The following HDAC9 variants were observed in gnomAD, a reference collection of about 807,000 sequenced individuals.
The protein encoded by HDAC9 is histone deacetylase 9, also known as MEF-2 interacting transcription repressor (MITR) protein.
In HDAC9, 41 loss-of-function variants were observed where a neutral mutation model predicts 139.4. That is an observed-to-expected ratio of 0.29 (90% CI 0.23 to 0.38). HDAC9 has a LOEUF of 0.38. Among genes scored for constraint, HDAC9 ranks in the 10% least tolerant of loss-of-function variants. The probability of loss-of-function intolerance (pLI) is 1.00; values close to 1 mark genes in which losing one functional copy is unlikely to be tolerated. For synonymous variants in HDAC9, 517 were observed against 476.2 expected, an observed-to-expected ratio of 1.09 and a Z score of -1.12; for missense variants, 1,147 against 1,297.0, an observed-to-expected ratio of 0.88 and a Z score of 1.78.
intron 1 of HDAC9, among the ~76,000 whole-genome samples, chr7:18,121,960 A>G (rs1330973737): frequency 1.3e-5 from 2 of 152,210 alleles, no homozygotes; most frequent in Admixed American, 1.3e-4. Flanking sequence ...TTGAATCGGA[A>G]TTATTATTTT....
intron 14 of HDAC9, among the ~76,000 whole-genome samples, chr7:18,757,680 G>T (rs1789001950): frequency 6.6e-6 from 1 of 152,104 alleles, no homozygotes; most frequent in Non-Finnish European, 1.5e-5. Flanking sequence ...GAATAGAACT[G>T]TTTCCTTTTT....
intron 1 of HDAC9, among the ~76,000 whole-genome samples, chr7:18,426,651 C>T (rs1238289066): frequency 6.6e-6 from 1 of 152,210 alleles, no homozygotes. Context: ...CTCATACACA[C>T]CATCTTGAAA....
At chr7:18,960,568 TAAA>T in intron 24 of HDAC9, among the ~76,000 whole-genome samples, 1 of 152,034 alleles carries the variant, frequency 6.6e-6, no homozygotes, top group South Asian at 2.1e-4. Flanking sequence ...AACTCATAGG[TAAA>T]ATAAAATACT....
In HDAC9 at chr7:18,447,791, A is replaced by G. The variant is rs574456032; in HGVS notation, c.-41-48471A>G. The stretch of plus-strand genomic sequence containing the variant: ...GCTTAAAAACTCCTTTGGCTCCTAT[A>G]GTGTATGTATTCCTATTAGAATATA... On this transcript the variant is annotated intron_variant, in intron 1 of 3. Coordinates refer to the HDAC9 transcript ENST00000413509. Among the ~76,000 whole-genome samples, 15 of 152,310 alleles carry G rather than the reference A, an allele frequency of 9.8e-5. No homozygotes were observed. In the South Asian group the frequency reaches 2.9e-3, roughly 29 times the overall value.
chr7:18,514,150 C>T (rs79352872), intron 2 of HDAC9, among the ~76,000 whole-genome samples: 2,715 of 152,102 alleles, frequency 0.018, 81 homozygotes, highest in African/African-American at 0.062. Context: ...TGTGTATATG[C>T]GTTGTATGTG....
chr7:18,226,645 G>A (rs147768039), intron 2 of HDAC9, among the ~76,000 whole-genome samples: 1 of 152,198 alleles, frequency 6.6e-6, no homozygotes, highest in East Asian at 1.9e-4. Flanking sequence ...TAGCCTAGGG[G>A]TTCATTGGAA....
At chr7:18,094,163 A>G (rs1454792365) in intron 1 of HDAC9, among the ~76,000 whole-genome samples, 1 of 152,110 alleles carries the variant, frequency 6.6e-6, no homozygotes, top group East Asian at 1.9e-4. Flanking sequence ...GAGTTTTATT[A>G]TTGCTCCATC....
chr7:18,101,083 G>A (rs553151657), intron 1 of HDAC9, among the ~76,000 whole-genome samples: 1 of 152,234 alleles, frequency 6.6e-6, no homozygotes, highest in Non-Finnish European at 1.5e-5. Flanking sequence ...ACTTTGGGTT[G>A]TTTTCTCACA....
chr7:18,361,439 C>T (rs1783769013), intron 1 of HDAC9, among the ~76,000 whole-genome samples: 1 of 152,142 alleles, frequency 6.6e-6, no homozygotes, highest in Admixed American at 6.6e-5. Flanking sequence ...GGGTAGTATT[C>T]ACTGCCTTCC....
intron 22 of HDAC9, among the ~76,000 whole-genome samples, chr7:18,909,259 TGATGA>T (rs377687205): frequency 2.6e-4 from 39 of 151,888 alleles, no homozygotes; most frequent in African/African-American, 9.4e-4. Flanking sequence ...TTTATTTTGC[TGATGA>T]GTTGTTTGGG....
chr7:18,991,269 T>A (rs920380137), intron 25 of HDAC9, among the ~76,000 whole-genome samples: 2 of 152,078 alleles, frequency 1.3e-5, no homozygotes, highest in African/African-American at 4.8e-5. Flanking sequence ...TGAAAGAACA[T>A]AAAACAAAAT....
At chr7:18,984,104 G>C (rs1785135442) in intron 25 of HDAC9, among the ~76,000 whole-genome samples, 1 of 152,040 alleles carries the variant, frequency 6.6e-6, no homozygotes. Flanking sequence ...GTGAAAATTA[G>C]ATACATTTGT....
At chr7:18,765,033 C>T (rs989458262) in intron 15 of HDAC9, among the ~76,000 whole-genome samples, 1 of 152,106 alleles carries the variant, frequency 6.6e-6, no homozygotes, top group Non-Finnish European at 1.5e-5. Context: ...CAAGGCTTTC[C>T]TTAGCATTAA....
chr7:18,574,149 T>C (rs1563333561), intron 2 of HDAC9, among the ~76,000 whole-genome samples: 1 of 152,300 alleles, frequency 6.6e-6, no homozygotes. Context: ...CTGACGAGTG[T>C]CCAGCTCTCA....
At chr7:18,097,524 TC>T (rs1653614174) in intron 1 of HDAC9, among the ~76,000 whole-genome samples, 1 of 151,726 alleles carries the variant, frequency 6.6e-6, no homozygotes, top group South Asian at 2.1e-4. Context: ...TCTGTTTTAG[TC>T]CTTTTTTCCC....
intron 13 of HDAC9, 74 bp from the exon 14 acceptor site, chr7:18,748,928 TATC>T: frequency 7.5e-7 from 1 of 1,336,446 alleles, no homozygotes; most frequent in Non-Finnish European, 1.0e-6. Flanking sequence ...TTTTTGGAGT[TATC>T]ATATTATCTC....
At chr7:18,244,219 CT>C (rs1794371532) in intron 2 of HDAC9, among the ~76,000 whole-genome samples, 1 of 152,000 alleles carries the variant, frequency 6.6e-6, no homozygotes, top group African/African-American at 2.4e-5. Flanking sequence ...GGATGGGATT[CT>C]TTTTATGCAA....
chr7:18,158,151 C>T (rs1464961298), intron 1 of HDAC9, among the ~76,000 whole-genome samples: 1 of 152,094 alleles, frequency 6.6e-6, no homozygotes, highest in Non-Finnish European at 1.5e-5. Context: ...TTTAGTAGCA[C>T]ACTATCCAAA....
At position 18,996,625 on chromosome 7, in the gene HDAC9, G is replaced by C. The variant is rs1485222673; in HGVS notation, c.*563G>C. On this transcript the variant is annotated 3_prime_UTR_variant, in exon 26 of 26. Coordinates refer to ENST00000686413, the MANE Select transcript of HDAC9 (RefSeq NM_178425.4). ...GTTTTTTTCTCAACTTTAACACACA[G>C]TTCAACTGTTCCTAGTAAAAGTTCA... The C allele has an allele frequency of 3.9e-5, 6 of 152,432 alleles. No homozygotes were observed. The highest frequency in any genetic ancestry group is 8.8e-5 in the Non-Finnish European group (6 of 68,250). The allele number at this position is 152,432 out of a possible 1,614,324, so 9.4% of individuals were successfully genotyped here. A position where few individuals can be genotyped will look rare whatever the true frequency, so the allele number is the denominator to read the frequency against.
Sources: allele counts gnomAD v4.1 joint callset (sites outside exome capture counted in the v4.1 genomes callset), GRCh38; gene constraint gnomAD v4.1.1; transcripts MANE v1.5; gene names NCBI Gene and HGNC (gene_info 2026-07-23, HGNC 2026-07-21).